DENND10: variants seen among roughly 807,000 people sequenced by gnomAD.
DENND10 encodes the protein DENN domain-containing protein 10.
In DENND10, 24 loss-of-function variants were observed where a neutral mutation model predicts 43.6. The ratio of observed to expected loss-of-function variants is 0.55; its 90% CI spans 0.40 to 0.77. The LOEUF is 0.77. Among genes scored for constraint, DENND10 ranks in the 30% least tolerant of loss-of-function variants. The probability of loss-of-function intolerance (pLI) is 0.00; values close to 1 mark genes in which losing one functional copy is unlikely to be tolerated. For missense variants in DENND10, 303 were observed against 429.9 expected (o/e 0.70, Z 2.61); for synonymous variants, 125 against 157.6 (o/e 0.79, Z 1.55).
chr10:119,112,544 G>C (rs1211646035), intron 3 of DENND10, among the ~76,000 whole-genome samples: 1 of 144,974 alleles, frequency 6.9e-6, no homozygotes, highest in African/African-American at 2.6e-5. Context: ...TCAGACTGGA[G>C]TGCAGCGGCT....
intron 5 of DENND10, 40 bp downstream of exon 5, chr10:119,120,492 C>G: frequency 7.8e-7 from 1 of 1,280,904 alleles, no homozygotes; most frequent in Non-Finnish European, 1.1e-6. Context: ...ACTTTGTTGG[C>G]AGACAGTTCG....
intron 1 of DENND10, among the ~76,000 whole-genome samples, chr10:119,106,759 A>G (rs1425656406): frequency 6.6e-6 from 1 of 152,208 alleles, no homozygotes; most frequent in Non-Finnish European, 1.5e-5. Context: ...ATTAAAAATT[A>G]TTCGGCTGGG....
rs554084140 is a variant in DENND10, at chr10:119,136,370, T to A, written c.898-101T>A. The A allele has an allele frequency of 9.5e-6, 13 of 1,374,058 alleles. 1 individual carries two copies. The East Asian group carries it at 3.1e-4, about 33-fold the overall frequency. The allele number at this position is 1,374,058 out of a possible 1,614,324, so 85.1% of individuals were successfully genotyped here. A position where few individuals can be genotyped will look rare whatever the true frequency, so the allele number is the denominator to read the frequency against. On this transcript the variant is annotated intron_variant, in intron 8 of 8. Coordinates refer to ENST00000361432, the MANE Select transcript of DENND10 (RefSeq NM_207009.4). ...GCCACCACGCCAAGCTCATTTTTCA[T>A]AGTTTATAAACAGTCTGGAAAAAAT... is the stretch of plus-strand genomic sequence containing the variant.
At chr10:119,129,431 C>A in intron 6 of DENND10, 84 bp from the exon 7 acceptor site, 1 of 827,970 alleles carries the variant, frequency 1.2e-6, no homozygotes. Context: ...AGAGAGCAGT[C>A]GATGAGCTTT....
intron 6 of DENND10, among the ~76,000 whole-genome samples, chr10:119,127,925 C>T (rs1274642222): frequency 2.0e-5 from 3 of 152,142 alleles, no homozygotes; most frequent in Non-Finnish European, 2.9e-5. Flanking sequence ...CCACTGCCCC[C>T]ACCTGTTATT....
At position 119,128,722 on chromosome 10, in the gene DENND10, A is replaced by G. The variant is rs540633970; in HGVS notation, c.695-793A>G. 7.2e-5 allele frequency among the ~76,000 whole-genome samples: 11 copies of G among 152,296 alleles called. No individual in the cohort carries two copies. The East Asian group carries it at 2.1e-3, about 29-fold the overall frequency. ...TGGCTTCTGCTTCTGTGGAGGCCTC[A>G]GGAAACTTACAATCATGGCAGAGGG... On this transcript the variant is annotated intron_variant, in intron 6 of 8. Coordinates refer to ENST00000361432, the MANE Select transcript of DENND10 (RefSeq NM_207009.4).
chr10:119,105,565 T>A, intron 1 of DENND10: 1 of 1,085,148 alleles, frequency 9.2e-7, no homozygotes, highest in Non-Finnish European at 1.2e-6. Flanking sequence ...TAACTTAGTT[T>A]CTCCAGAAGG....
chr10:119,105,089 G>A (rs2271359), intron 1 of DENND10: 53,855 of 152,004 alleles, frequency 0.35, 9,901 homozygotes, highest in Non-Finnish European at 0.4. Flanking sequence ...CAGTATTTAG[G>A]GGATGGAACC....
rs1267435565 is a variant in DENND10, at chr10:119,109,537, A to G, written c.252+1373A>G. 2.0e-5 allele frequency among the ~76,000 whole-genome samples: 3 copies of G among 152,206 alleles called. No individual in the cohort carries two copies. The East Asian group carries it at 5.8e-4, about 29-fold the overall frequency. Reference sequence around the variant, plus strand: ...AAATTTTAAAAATTACATTTAAAATAGCAGGAAGGTAACAATTTAGAAACT... The same window carrying G: ...AAATTTTAAAAATTACATTTAAAATGGCAGGAAGGTAACAATTTAGAAACT... On this transcript the variant is annotated intron_variant, in intron 2 of 8. Transcript: ENST00000361432.
At chr10:119,107,875 A>T in intron 1 of DENND10, 93 bp from the exon 2 acceptor site, 1 of 1,198,824 alleles carries the variant, frequency 8.3e-7, no homozygotes, top group Non-Finnish European at 1.2e-6. Context: ...ATGGGATGTT[A>T]AAACTGATTC....
intron 3 of DENND10, among the ~76,000 whole-genome samples, chr10:119,112,641 G>A (rs1210669068): frequency 1.3e-5 from 2 of 151,338 alleles, no homozygotes; most frequent in Non-Finnish European, 1.5e-5. Flanking sequence ...CTGCAGGTGC[G>A]CACTTCCATG....
At position 119,105,598 on chromosome 10, in the gene DENND10, T is replaced by TAAAC. The variant is rs1844655533; in HGVS notation, c.55+1402_55+1405dup. 3.8e-6 allele frequency: 3 copies of TAAAC among 788,404 alleles called. No individual in the cohort carries two copies. The African/African-American group carries it at 5.6e-5, about 15-fold the overall frequency. 48.8% of individuals were successfully genotyped at this position (788,404 alleles called of 1,614,324 possible). On this transcript the variant is annotated intron_variant, in intron 1 of 8. Coordinates refer to ENST00000361432, the MANE Select transcript of DENND10 (RefSeq NM_207009.4). Reference sequence around the variant, plus strand: ...AGGTACTTTTGAACTAAGGCTAAGTTAAACTGTCTTTATCTACTAATAGCA... The same window carrying TAAAC: ...AGGTACTTTTGAACTAAGGCTAAGTTAAACAAACTGTCTTTATCTACTAATAGCA...
Position 119,123,876 on chromosome 10 carries a change from T to A in DENND10, c.694+307T>A, listed in dbSNP as rs573780736. Among the ~76,000 whole-genome samples the A allele has an allele frequency of 4.3e-3, 291 of 67,820 alleles. 1 individual carries two copies. The highest frequency in any genetic ancestry group is 9.4e-3 in the African/African-American group (280 of 29,670). 44.5% of individuals were successfully genotyped at this position (67,820 alleles called of 152,430 possible). ...ATGCAATCAATTTTTTGCCCTTAAA[T>A]TTTTTTTTTTTTTTTAGTTTAAAAA... On this transcript the variant is annotated intron_variant, in intron 6 of 8. Coordinates refer to ENST00000361432, the MANE Select transcript of DENND10 (RefSeq NM_207009.4).
intron 1 of DENND10, among the ~76,000 whole-genome samples, chr10:119,107,610 G>C (rs1644283078): frequency 6.6e-6 from 1 of 151,970 alleles, no homozygotes; most frequent in Non-Finnish European, 1.5e-5. Context: ...CTCCAGGTTG[G>C]TCAGGCTGGT....
chr10:119,116,956 A>G (rs1845315061), intron 3 of DENND10, among the ~76,000 whole-genome samples: 1 of 152,018 alleles, frequency 6.6e-6, no homozygotes, highest in East Asian at 1.9e-4. Flanking sequence ...CTAGGATTAC[A>G]GGCATGAGCC....
intron 3 of DENND10, among the ~76,000 whole-genome samples, chr10:119,115,610 C>T (rs35670337): frequency 0.39 from 56,315 of 144,822 alleles, 11,058 homozygotes; most frequent in Non-Finnish European, 0.41. Context: ...GGGATGGTCT[C>T]GATCTCCTGA....
At position 119,136,934 on chromosome 10, in the gene DENND10, A is replaced by G. The variant is rs896225020; in HGVS notation, c.*287A>G. On this transcript the variant is annotated 3_prime_UTR_variant, in exon 9 of 9. Transcript: ENST00000361432. Reference sequence around the variant, plus strand: ...AGAGGTCCTGGGGTAAGAGAAAAAAAGCACATCACAACAAATGTGAAAGCC... The same window carrying G: ...AGAGGTCCTGGGGTAAGAGAAAAAAGGCACATCACAACAAATGTGAAAGCC... 20 of 326,560 alleles carry G rather than the reference A, an allele frequency of 6.1e-5. 1 individual carries two copies. Among genetic ancestry groups the G allele is most frequent in the African/African-American group, 3.9e-4 (18 of 46,430 alleles). The allele number at this position is 326,560 out of a possible 1,614,324, so 20.2% of individuals were successfully genotyped here.
intron 3 of DENND10, among the ~76,000 whole-genome samples, chr10:119,113,216 G>T (rs1845064809): frequency 6.8e-6 from 1 of 147,900 alleles, no homozygotes. Flanking sequence ...TAGCGACACG[G>T]TCTTGCTCTT....
intron 8 of DENND10, chr10:119,134,244 G>A (rs530391389): frequency 1.4e-4 from 21 of 152,202 alleles, no homozygotes; most frequent in African/African-American, 4.8e-4. Context: ...TCACCACGCT[G>A]ACCAGGCTGA....
Sources: allele counts gnomAD v4.1 joint callset (sites outside exome capture counted in the v4.1 genomes callset), GRCh38; gene constraint gnomAD v4.1.1; transcripts MANE v1.5; gene names NCBI Gene and HGNC (gene_info 2026-07-23, HGNC 2026-07-21).